PPP3CA: variants seen among roughly 807,000 people sequenced by gnomAD.
The protein encoded by PPP3CA is CAM-PRP catalytic subunit.
In PPP3CA, 14 loss-of-function variants were observed where a neutral mutation model predicts 66.5. The ratio of observed to expected loss-of-function variants is 0.21; its 90% CI spans 0.14 to 0.33. The LOEUF (loss-of-function observed/expected upper bound fraction) is 0.33. PPP3CA is among the 10% of genes least tolerant of loss of function. PPP3CA has a pLI of 1.00. For synonymous variants in PPP3CA, 232 were observed against 226.2 expected (o/e 1.03, Z -0.23); for missense variants, 317 against 639.5 (o/e 0.50, Z 5.44).
At chr4:101,269,381 T>C (rs2866256) in intron 1 of PPP3CA, among the ~76,000 whole-genome samples, 98,418 of 151,192 alleles carry the variant, frequency 0.65, 33,102 homozygotes, top group Non-Finnish European at 0.75. Context: ...CTTTGAACAC[T>C]ATGGCCCCCA....
chr4:101,026,331 T>C (rs1726649467), intron 13 of PPP3CA, among the ~76,000 whole-genome samples: 1 of 152,190 alleles, frequency 6.6e-6, no homozygotes, highest in South Asian at 2.1e-4. Context: ...TCATGAAAGT[T>C]TAGCTCAAAG....
chr4:101,248,626 C>T (rs988148043), intron 1 of PPP3CA, among the ~76,000 whole-genome samples: 1 of 152,158 alleles, frequency 6.6e-6, no homozygotes, highest in African/African-American at 2.4e-5. Context: ...TCAATCAATA[C>T]TGTTGATAAA....
chr4:101,135,736 T>C (rs1722600854), intron 2 of PPP3CA, among the ~76,000 whole-genome samples: 1 of 152,258 alleles, frequency 6.6e-6, no homozygotes, highest in South Asian at 2.1e-4. Context: ...CACTGTGATG[T>C]AATGAGCTCA....
chr4:101,257,319 C>A (rs1726876111), intron 1 of PPP3CA, among the ~76,000 whole-genome samples: 1 of 142,448 alleles, frequency 7.0e-6, no homozygotes, highest in Admixed American at 7.4e-5. Flanking sequence ...TCTCCATCTA[C>A]ATGTATGAGA....
At chr4:101,269,696 T>C (rs1028976348) in intron 1 of PPP3CA, among the ~76,000 whole-genome samples, 13 of 151,992 alleles carry the variant, frequency 8.6e-5, no homozygotes, top group Non-Finnish European at 1.8e-4. Flanking sequence ...CCTGTAGTAA[T>C]ATCCACTTTG....
chr4:101,262,002 TA>T (rs1727023932), intron 1 of PPP3CA, among the ~76,000 whole-genome samples: 1 of 152,118 alleles, frequency 6.6e-6, no homozygotes, highest in Non-Finnish European at 1.5e-5. Flanking sequence ...TTAACCTTCC[TA>T]TACAATAACA....
chr4:101,310,991 G>A (rs1728703159), intron 1 of PPP3CA, among the ~76,000 whole-genome samples: 1 of 152,036 alleles, frequency 6.6e-6, no homozygotes, highest in Admixed American at 6.6e-5. Context: ...AAATAAATAA[G>A]CTTTATGGAA....
intron 2 of PPP3CA, among the ~76,000 whole-genome samples, chr4:101,141,903 C>T (rs1722820433): frequency 6.6e-6 from 1 of 152,170 alleles, no homozygotes; most frequent in African/African-American, 2.4e-5. Context: ...GCTGAACTTA[C>T]ACTTATAACA....
At chr4:101,269,655 T>G (rs893907352) in intron 1 of PPP3CA, among the ~76,000 whole-genome samples, 1 of 151,416 alleles carries the variant, frequency 6.6e-6, no homozygotes, top group Non-Finnish European at 1.5e-5. Flanking sequence ...TTAATAGGCA[T>G]TCATTAAATA....
intron 1 of PPP3CA, among the ~76,000 whole-genome samples, chr4:101,287,004 C>CA (rs1727865771): frequency 6.7e-6 from 1 of 150,150 alleles, no homozygotes; most frequent in South Asian, 2.1e-4. Context: ...ATATTCTTTC[C>CA]AGCAGGTTTT....
At chr4:101,276,834 G>C (rs1298388295) in intron 1 of PPP3CA, among the ~76,000 whole-genome samples, 1 of 152,084 alleles carries the variant, frequency 6.6e-6, no homozygotes, top group Non-Finnish European at 1.5e-5. Context: ...CATTAGTACT[G>C]TATATTTGTT....
intron 1 of PPP3CA, among the ~76,000 whole-genome samples, chr4:101,241,645 A>G (rs1005675907): frequency 6.6e-6 from 1 of 152,124 alleles, no homozygotes; most frequent in Non-Finnish European, 1.5e-5. Context: ...TTAACCTGAC[A>G]ATACCTTCCT....
intron 9 of PPP3CA, 146 bp from the exon 10 acceptor site, chr4:101,061,307 T>C (rs1728451932): frequency 1.5e-6 from 1 of 663,922 alleles, no homozygotes; most frequent in Non-Finnish European, 2.6e-6. Flanking sequence ...ATCCAGATCA[T>C]AAAAGACAGC....
intron 1 of PPP3CA, among the ~76,000 whole-genome samples, chr4:101,241,596 C>T (rs1483822090): frequency 6.6e-6 from 1 of 151,990 alleles, no homozygotes; most frequent in Admixed American, 6.6e-5. Context: ...TAATCCAATG[C>T]TTACTATTTT....
At chr4:101,140,975 T>A (rs1488580774) in intron 2 of PPP3CA, among the ~76,000 whole-genome samples, 1 of 152,244 alleles carries the variant, frequency 6.6e-6, no homozygotes, top group Non-Finnish European at 1.5e-5. Context: ...GAATACTGAA[T>A]CATTTTGATT....
intron 1 of PPP3CA, among the ~76,000 whole-genome samples, chr4:101,273,236 G>A (rs1282386887): frequency 2.0e-5 from 3 of 151,866 alleles, no homozygotes; most frequent in Non-Finnish European, 4.4e-5. Context: ...TACTCTTAAA[G>A]AATTAACACA....
intron 1 of PPP3CA, among the ~76,000 whole-genome samples, chr4:101,316,517 C>T (rs1216449868): frequency 6.6e-6 from 1 of 151,946 alleles, no homozygotes; most frequent in Non-Finnish European, 1.5e-5. Context: ...TAATGTTTTC[C>T]CAAGGTTAGA....
intron 2 of PPP3CA, among the ~76,000 whole-genome samples, chr4:101,110,206 G>A (rs1038184303): frequency 2.6e-5 from 4 of 152,112 alleles, no homozygotes; most frequent in African/African-American, 9.7e-5. Flanking sequence ...GAACGCATTC[G>A]TGAATAAGAA....
At chr4:101,195,895 A>G in intron 2 of PPP3CA, 21 bp downstream of exon 2, 1 of 1,607,964 alleles carries the variant, frequency 6.2e-7, no homozygotes, top group Non-Finnish European at 8.5e-7. Flanking sequence ...CAAGTGGGCA[A>G]CCTCCCTCCT....
Sources: allele counts gnomAD v4.1 joint callset (sites outside exome capture counted in the v4.1 genomes callset), GRCh38; gene constraint gnomAD v4.1.1; transcripts MANE v1.5; gene names NCBI Gene and HGNC (gene_info 2026-07-23, HGNC 2026-07-21).